The following GPC6 variants were observed in gnomAD, a reference collection of about 807,000 sequenced individuals.
GPC6 encodes the protein glypican 6, also known as glypican-6.
A neutral mutation model predicts 55.2 loss-of-function variants in GPC6; 14 were observed. That is an observed-to-expected ratio of 0.25 (90% CI 0.17 to 0.40). The LOEUF is 0.40. Ranked by LOEUF, GPC6 falls within the 10% of genes least tolerant of loss-of-function variation. The probability of loss-of-function intolerance (pLI) is 1.00; values close to 1 mark genes in which losing one functional copy is unlikely to be tolerated. For synonymous variants in GPC6, 278 were observed against 259.6 expected (o/e 1.07, Z -0.68); for missense variants, 641 against 708.5 (o/e 0.90, Z 1.08).
chr13:93,902,457 G>T (rs1238834065), intron 3 of GPC6, among the ~76,000 whole-genome samples: 1 of 152,012 alleles, frequency 6.6e-6, no homozygotes, highest in Non-Finnish European at 1.5e-5. Context: ...TTCATCCATT[G>T]GTGGACAGAC....
At chr13:93,529,521 T>TC (rs1307668763) in intron 1 of GPC6, among the ~76,000 whole-genome samples, 2 of 142,850 alleles carry the variant, frequency 1.4e-5, no homozygotes, top group East Asian at 4.0e-4. Context: ...TTTTTTTTTT[T>TC]TTTTTTTTTT....
chr13:93,800,701 A>G (rs1291643248), intron 2 of GPC6, among the ~76,000 whole-genome samples: 1 of 152,220 alleles, frequency 6.6e-6, no homozygotes, highest in Non-Finnish European at 1.5e-5. Context: ...TTTGCAAGTT[A>G]TTCCATCTGT....
chr13:93,927,062 C>A (rs187709591), intron 3 of GPC6, among the ~76,000 whole-genome samples: 1 of 152,240 alleles, frequency 6.6e-6, no homozygotes, highest in East Asian at 1.9e-4. Context: ...AATATTCTGT[C>A]CACAGCCTGT....
intron 2 of GPC6, among the ~76,000 whole-genome samples, chr13:93,597,884 A>G (rs1001372211): frequency 8.6e-5 from 13 of 152,036 alleles, no homozygotes; most frequent in African/African-American, 2.7e-4. Context: ...GGTGGCTCAC[A>G]CCTGTAATCC....
intron 1 of GPC6, among the ~76,000 whole-genome samples, chr13:93,448,204 G>A (rs1407007484): frequency 1.3e-5 from 2 of 152,166 alleles, no homozygotes; most frequent in African/African-American, 4.8e-5. Context: ...CATATGTGAT[G>A]ATGGTCCCAG....
chr13:93,422,912 C>T (rs559398818), intron 1 of GPC6, among the ~76,000 whole-genome samples: 83 of 152,068 alleles, frequency 5.5e-4, no homozygotes, highest in Non-Finnish European at 1.1e-3. Context: ...TTAAAAAGCA[C>T]AGAGTAGAGA....
At chr13:93,586,064 G>T (rs564695680) in intron 2 of GPC6, among the ~76,000 whole-genome samples, 50 of 152,044 alleles carry the variant, frequency 3.3e-4, no homozygotes, top group African/African-American at 1.2e-3. Flanking sequence ...CATCACCCAG[G>T]TATTAAGCCT....
At chr13:93,498,000 G>A (rs1880372933) in intron 1 of GPC6, among the ~76,000 whole-genome samples, 1 of 152,204 alleles carries the variant, frequency 6.6e-6, no homozygotes, top group Non-Finnish European at 1.5e-5. Flanking sequence ...GTACTGGTTA[G>A]AAAGAAGGAT....
chr13:94,001,842 G>A (rs1026471253), intron 3 of GPC6, among the ~76,000 whole-genome samples: 19 of 152,254 alleles, frequency 1.2e-4, no homozygotes, highest in Middle Eastern at 3.4e-3. Flanking sequence ...ATGGGAGAGC[G>A]ACACCATTGC....
chr13:93,381,285 C>G (rs1018690469), intron 1 of GPC6, among the ~76,000 whole-genome samples: 1 of 152,050 alleles, frequency 6.6e-6, no homozygotes, highest in East Asian at 1.9e-4. Context: ...TGCTCTTACT[C>G]AGAACTGATA....
chr13:93,799,514 A>G (rs1240244793), intron 2 of GPC6, among the ~76,000 whole-genome samples: 2 of 152,178 alleles, frequency 1.3e-5, no homozygotes, highest in Non-Finnish European at 2.9e-5. Flanking sequence ...TTTATCATTT[A>G]TTGGCAAGGA....
At chr13:93,517,185 T>C (rs1415358900) in intron 1 of GPC6, among the ~76,000 whole-genome samples, 1 of 152,154 alleles carries the variant, frequency 6.6e-6, no homozygotes, top group African/African-American at 2.4e-5. Flanking sequence ...CTCTTGTACC[T>C]TGTGTCTCAG....
In GPC6 at chr13:94,403,245, C is replaced by T. The variant is rs1881228804; in HGVS notation, c.*28C>T. ...TTGGGTTTTTGGTCAGATGAAACTG[C>T]ATTTTAGCTATCTGAATGGCCAACT... On this transcript the variant is annotated 3_prime_UTR_variant, in exon 9 of 9. Transcript: ENST00000377047. 5.4e-6 allele frequency: 8 copies of T among 1,492,430 alleles called. No homozygotes were observed. The highest frequency in any genetic ancestry group is 7.5e-6 in the Non-Finnish European group (8 of 1,071,394). The allele number at this position is 1,492,430 out of a possible 1,614,324, so 92.4% of individuals were successfully genotyped here.
chr13:93,288,860 C>A (rs955694480), intron 1 of GPC6, among the ~76,000 whole-genome samples: 8 of 152,140 alleles, frequency 5.3e-5, no homozygotes, highest in African/African-American at 1.4e-4. Context: ...GTGTTTTCTG[C>A]AAAGTGGTTA....
At chr13:94,396,050 T>C (rs1880883041) in intron 7 of GPC6, among the ~76,000 whole-genome samples, 1 of 152,180 alleles carries the variant, frequency 6.6e-6, no homozygotes, top group Admixed American at 6.5e-5. Flanking sequence ...GTTTGGCAGT[T>C]ACTGTGTCTT....
chr13:93,946,821 T>G (rs930892257), intron 3 of GPC6, among the ~76,000 whole-genome samples: 2 of 152,208 alleles, frequency 1.3e-5, no homozygotes, highest in Non-Finnish European at 2.9e-5. Flanking sequence ...CTTACTTTTT[T>G]CCAGCTTATT....
chr13:94,215,557 G>A (rs1890200977), intron 4 of GPC6, among the ~76,000 whole-genome samples: 1 of 152,234 alleles, frequency 6.6e-6, no homozygotes, highest in East Asian at 1.9e-4. Flanking sequence ...TTTACACATT[G>A]CAATATCCTG....
chr13:93,462,111 A>G (rs1032239300), intron 1 of GPC6, among the ~76,000 whole-genome samples: 1 of 152,222 alleles, frequency 6.6e-6, no homozygotes, highest in African/African-American at 2.4e-5. Context: ...AAGCTGTGAA[A>G]GCCTTCATTT....
At chr13:93,519,173 A>G (rs1881314512) in intron 1 of GPC6, among the ~76,000 whole-genome samples, 1 of 152,042 alleles carries the variant, frequency 6.6e-6, no homozygotes, top group South Asian at 2.1e-4. Flanking sequence ...TAAGGCACCT[A>G]CCAAAACTGG....
Sources: allele counts gnomAD v4.1 joint callset (sites outside exome capture counted in the v4.1 genomes callset), GRCh38; gene constraint gnomAD v4.1.1; transcripts MANE v1.5; gene names NCBI Gene and HGNC (gene_info 2026-07-23, HGNC 2026-07-21).